Variants in SLC9A9 observed in about 807,000 individuals in gnomAD.
SLC9A9 encodes solute carrier family 9 member A9.
A neutral mutation model predicts 77.8 loss-of-function variants in SLC9A9; 62 were observed. The observed-to-expected ratio is 0.80, with a 90% CI of 0.65 to 0.98. SLC9A9 has a LOEUF of 0.98. Among genes scored for constraint, SLC9A9 ranks in the 50% least tolerant of loss-of-function variants. SLC9A9 has a pLI of 0.00. For synonymous variants in SLC9A9, 320 were observed against 283.5 expected, an observed-to-expected ratio of 1.13 and a Z score of -1.29; for missense variants, 775 against 774.9, an observed-to-expected ratio of 1.00 and a Z score of 0.00.
chr3:143,268,560 T>C (rs531101446), intron 15 of SLC9A9, among the ~76,000 whole-genome samples: 2 of 151,814 alleles, frequency 1.3e-5, no homozygotes, highest in Admixed American at 1.3e-4. Context: ...GGTGAAACCC[T>C]GTCTCTACTA....
intron 14 of SLC9A9, among the ~76,000 whole-genome samples, chr3:143,306,646 G>T (rs56226148): frequency 0.051 from 7,736 of 152,136 alleles, 397 homozygotes; most frequent in African/African-American, 0.12. Context: ...CATAAAACCT[G>T]ACCCAGGTCA....
Position 143,700,906 on chromosome 3 carries a change from C to A in SLC9A9, c.534-7599G>T, listed in dbSNP as rs1933779403. Among the ~76,000 whole-genome samples, 3 of 152,308 alleles carry A rather than the reference C, an allele frequency of 2.0e-5. No homozygotes were observed. In the South Asian group the frequency reaches 6.2e-4, roughly 32 times the overall value. ...TTAGCACAGTTCCATTGGTGGTGGC[C>A]ACAGGGGTACTTGTTTCACCTCAAC... On this transcript the variant is annotated intron_variant, in intron 4 of 15. Transcript: ENST00000316549.
chr3:143,537,639 C>T (rs1158709673), intron 9 of SLC9A9, among the ~76,000 whole-genome samples: 1 of 152,196 alleles, frequency 6.6e-6, no homozygotes, highest in Admixed American at 6.5e-5. Flanking sequence ...AGAGATGGTC[C>T]CTTAGAGTTG....
intron 14 of SLC9A9, among the ~76,000 whole-genome samples, chr3:143,359,836 A>C (rs1235231888): frequency 2.0e-5 from 3 of 152,110 alleles, no homozygotes; most frequent in Non-Finnish European, 4.4e-5. Flanking sequence ...CTGCCCCTAA[A>C]GAGTTGAGGA....
At chr3:143,811,105 C>T (rs1049811927) in intron 2 of SLC9A9, among the ~76,000 whole-genome samples, 4 of 152,064 alleles carry the variant, frequency 2.6e-5, no homozygotes, top group South Asian at 2.1e-4. Context: ...CAGAGAACAC[C>T]GGTAGCTTCC....
rs867720093 is a variant in SLC9A9, at chr3:143,691,132, T to C, written c.649+2060A>G. 4.6e-5 allele frequency among the ~76,000 whole-genome samples: 7 copies of C among 152,246 alleles called. No individual in the cohort carries two copies. In the South Asian group the frequency reaches 1.2e-3, roughly 27 times the overall value. ...ACATTTATAACAAGTCACTATGTGGTGCCAATCCTGCTGGTCTGAGAAGTG... is the reference window on the plus strand; with the variant it reads ...ACATTTATAACAAGTCACTATGTGGCGCCAATCCTGCTGGTCTGAGAAGTG... On this transcript the variant is annotated intron_variant, in intron 5 of 15. Coordinates refer to ENST00000316549, the MANE Select transcript of SLC9A9 (RefSeq NM_173653.4).
rs934653535 is a variant in SLC9A9, at chr3:143,754,637, C to G, written c.533+40364G>C. Among the ~76,000 whole-genome samples the G allele has an allele frequency of 3.3e-5, 5 of 152,096 alleles. No individual in the cohort carries two copies. In the South Asian group the frequency reaches 1.0e-3, roughly 31 times the overall value. On this transcript the variant is annotated intron_variant, in intron 4 of 15. Coordinates refer to ENST00000316549, the MANE Select transcript of SLC9A9 (RefSeq NM_173653.4). Reference sequence around the variant, plus strand: ...GAAAAGGCTGTGTTGCTGAAAAGGGCAAGTCCAACAGAGGCAGACGCTCAA... The same window carrying G: ...GAAAAGGCTGTGTTGCTGAAAAGGGGAAGTCCAACAGAGGCAGACGCTCAA...
At chr3:143,511,370 A>C (rs1342712873) in intron 9 of SLC9A9, among the ~76,000 whole-genome samples, 1 of 152,176 alleles carries the variant, frequency 6.6e-6, no homozygotes, top group Admixed American at 6.5e-5. Flanking sequence ...TTCAGCTCCC[A>C]GCTTCCTCTC....
intron 6 of SLC9A9, among the ~76,000 whole-genome samples, chr3:143,612,656 C>T (rs765343350): frequency 1.3e-5 from 2 of 152,192 alleles, no homozygotes; most frequent in Non-Finnish European, 2.9e-5. Context: ...GACCAAAATA[C>T]CTGCAACTAG....
At chr3:143,610,881 C>T (rs954629153) in intron 6 of SLC9A9, among the ~76,000 whole-genome samples, 4 of 152,152 alleles carry the variant, frequency 2.6e-5, no homozygotes, top group African/African-American at 9.7e-5. Flanking sequence ...TTAGAACTTG[C>T]CCCTGCTCCA....
intron 1 of SLC9A9, among the ~76,000 whole-genome samples, chr3:143,840,136 T>C (rs2009669971): frequency 6.6e-6 from 1 of 152,232 alleles, no homozygotes; most frequent in Admixed American, 6.5e-5. Flanking sequence ...CCAGAGTTTC[T>C]GATTCCCTAG....
intron 14 of SLC9A9, among the ~76,000 whole-genome samples, chr3:143,354,259 A>T (rs2032534296): frequency 6.6e-6 from 1 of 152,226 alleles, no homozygotes; most frequent in Non-Finnish European, 1.5e-5. Context: ...ACTTTCTCAC[A>T]TGACTGGAAG....
intron 9 of SLC9A9, among the ~76,000 whole-genome samples, chr3:143,496,428 A>G (rs1002042554): frequency 6.6e-6 from 1 of 152,210 alleles, no homozygotes; most frequent in Admixed American, 6.5e-5. Flanking sequence ...CTTTTTAAGG[A>G]CTCATTATTT....
chr3:143,743,822 A>T (rs964581581), intron 4 of SLC9A9, among the ~76,000 whole-genome samples: 2 of 152,224 alleles, frequency 1.3e-5, no homozygotes, highest in African/African-American at 4.8e-5. Context: ...CTAGTTGTGC[A>T]CTAGTTTCTC....
intron 4 of SLC9A9, among the ~76,000 whole-genome samples, chr3:143,767,414 T>TGTGTGTGTGTGTG (rs1576712655): frequency 1.0e-5 from 1 of 99,392 alleles, no homozygotes; most frequent in African/African-American, 5.7e-5. Context: ...GTGTGTGTGT[T>TGTGTGTGTGTGTG]TACAGAAAAT....
intron 12 of SLC9A9, among the ~76,000 whole-genome samples, chr3:143,390,326 T>C (rs1422416051): frequency 6.6e-6 from 1 of 152,232 alleles, no homozygotes; most frequent in East Asian, 1.9e-4. Context: ...CATTAGGAGT[T>C]AGACATTCTG....
chr3:143,574,894 G>A (rs899422380), intron 7 of SLC9A9, among the ~76,000 whole-genome samples: 3 of 152,142 alleles, frequency 2.0e-5, no homozygotes, highest in African/African-American at 4.8e-5. Flanking sequence ...TTAGGAGTAC[G>A]TGATCGATGG....
At chr3:143,746,487 G>A (rs770596975) in intron 4 of SLC9A9, among the ~76,000 whole-genome samples, 1 of 152,070 alleles carries the variant, frequency 6.6e-6, no homozygotes, top group Non-Finnish European at 1.5e-5. Flanking sequence ...TGAGCTCTCT[G>A]AGAACATGTA....
At chr3:143,319,337 T>G (rs1201097559) in intron 14 of SLC9A9, among the ~76,000 whole-genome samples, 1 of 152,234 alleles carries the variant, frequency 6.6e-6, no homozygotes, top group African/African-American at 2.4e-5. Flanking sequence ...CAAACCACTT[T>G]GGCTGCTGCC....
Sources: gnomAD v4.1 joint callset for allele counts (sites outside exome capture counted in the v4.1 genomes callset) on GRCh38, gnomAD v4.1.1 for gene constraint, MANE v1.5 for transcripts, NCBI Gene and HGNC (gene_info 2026-07-23, HGNC 2026-07-21) for gene names.